The following SCFD1 variants were observed in gnomAD, a reference collection of about 807,000 sequenced individuals.
SCFD1 encodes the protein sec1 family domain-containing protein 1.
Under a neutral mutation model 103.2 loss-of-function variants are expected in SCFD1, and 37 were observed. That is an observed-to-expected ratio of 0.36 (90% CI 0.28 to 0.47). The LOEUF is 0.47. Among genes scored for constraint, SCFD1 ranks in the 20% least tolerant of loss-of-function variants. SCFD1 has a pLI of 1.00. For missense variants in SCFD1, 639 were observed against 761.2 expected (o/e 0.84, Z 1.89); for synonymous variants, 264 against 245.0 (o/e 1.08, Z -0.73).
chr14:30,634,180 C>T, intron 4 of SCFD1, 143 bp downstream of exon 4: 2 of 574,252 alleles, frequency 3.5e-6, no homozygotes, highest in Non-Finnish European at 6.2e-6. Flanking sequence ...TCTTTGAATT[C>T]CAAATAGCCT....
At chr14:30,713,374 A>G (rs1032783382) in intron 19 of SCFD1, among the ~76,000 whole-genome samples, 2 of 138,540 alleles carry the variant, frequency 1.4e-5, no homozygotes, top group African/African-American at 6.9e-5. Flanking sequence ...AGACAAAAAC[A>G]TACGAAAGAG....
chr14:30,634,773 T>G (rs1357545788), intron 4 of SCFD1: 2 of 455,420 alleles, frequency 4.4e-6, no homozygotes, highest in Non-Finnish European at 8.8e-6. Flanking sequence ...TTTCCTTGTC[T>G]TGCTTGTCGC....
At chr14:30,633,485 G>C (rs1318996169) in intron 3 of SCFD1, among the ~76,000 whole-genome samples, 1 of 151,974 alleles carries the variant, frequency 6.6e-6, no homozygotes, top group East Asian at 1.9e-4. Flanking sequence ...TTCATGTTTG[G>C]TTAAATTTTT....
At chr14:30,653,709 A>C (rs1291778869) in intron 10 of SCFD1, 121 bp downstream of exon 10, 9 of 623,660 alleles carry the variant, frequency 1.4e-5, no homozygotes, top group Non-Finnish European at 2.5e-5. Context: ...GAGACCTATG[A>C]ACAAAACAAG....
chr14:30,666,888 T>C (rs960961003), intron 10 of SCFD1, among the ~76,000 whole-genome samples: 9 of 151,884 alleles, frequency 5.9e-5, no homozygotes, highest in African/African-American at 1.9e-4. Flanking sequence ...AATAACAGGC[T>C]CTGAAATTGA....
intron 19 of SCFD1, 44 bp from the exon 20 acceptor site, chr14:30,715,880 C>T (rs1892246772): frequency 9.2e-7 from 1 of 1,086,684 alleles, no homozygotes; most frequent in Middle Eastern, 2.0e-4. Flanking sequence ...TAGAGAAGAA[C>T]TTTGGTTTAA....
chr14:30,661,537 A>G (rs1887449676), intron 10 of SCFD1, among the ~76,000 whole-genome samples: 1 of 152,128 alleles, frequency 6.6e-6, no homozygotes, highest in Non-Finnish European at 1.5e-5. Flanking sequence ...TCTAGAGTAA[A>G]GCTTCTGATC....
At position 30,675,061 on chromosome 14, in the gene SCFD1, T is replaced by C. The variant is rs749873071; in HGVS notation, c.1238T>C (p.Ile413Thr). ...GTTGCCACTGCTGTTTTAGAACATA[T>C]AAAGGTAAATTTAACTTTTTCCCCC... ...TNVATAVLEH[I>T]KARKLDVYFE... Residue 413 changes from isoleucine (I) to threonine (T), a missense_variant, in exon 14 of 25, where the codon ATA (isoleucine) becomes ACA (threonine). By Grantham distance (89) the Ile-to-Thr change is moderately conservative. Transcript: ENST00000458591. 1.3e-6 allele frequency: 2 copies of C among 1,559,542 alleles called. No individual in the cohort carries two copies. The highest frequency in any genetic ancestry group is 2.3e-5 in the East Asian group (1 of 43,344).
intron 1 of SCFD1, among the ~76,000 whole-genome samples, chr14:30,627,527 A>G (rs1883601352): frequency 6.6e-6 from 1 of 152,094 alleles, no homozygotes; most frequent in Admixed American, 6.5e-5. Context: ...CGGGTGGATC[A>G]CCTGAGGTCG....
chr14:30,642,233 G>A (rs1885353034), intron 6 of SCFD1, among the ~76,000 whole-genome samples: 1 of 152,098 alleles, frequency 6.6e-6, no homozygotes, highest in South Asian at 2.1e-4. Context: ...GATTACAGGT[G>A]TGTGCCACCA....
At chr14:30,723,625 G>A (rs981230760) in intron 23 of SCFD1, among the ~76,000 whole-genome samples, 5 of 152,012 alleles carry the variant, frequency 3.3e-5, no homozygotes, top group Admixed American at 6.6e-5. Context: ...TTTAGCTCCC[G>A]CTTATAAATG....
chr14:30,705,187 TAG>T (rs1294234079), intron 17 of SCFD1, among the ~76,000 whole-genome samples: 1 of 152,150 alleles, frequency 6.6e-6, no homozygotes, highest in Non-Finnish European at 1.5e-5. Context: ...CATTGAGTGG[TAG>T]AGTTAGAAGT....
At chr14:30,632,038 A>G (rs1178423409) in intron 3 of SCFD1, among the ~76,000 whole-genome samples, 1 of 124,526 alleles carries the variant, frequency 8.0e-6, no homozygotes, top group African/African-American at 3.1e-5. Flanking sequence ...GCAGAGCAAG[A>G]TTCTGTTGAA....
intron 15 of SCFD1, among the ~76,000 whole-genome samples, chr14:30,697,126 G>A (rs551634836): frequency 9.2e-5 from 14 of 152,156 alleles, no homozygotes; most frequent in Non-Finnish European, 1.6e-4. Context: ...GGGCCTGGGA[G>A]CAGCAATGCC....
At chr14:30,705,478 T>C (rs1194222387) in intron 17 of SCFD1, among the ~76,000 whole-genome samples, 1 of 152,150 alleles carries the variant, frequency 6.6e-6, no homozygotes, top group Non-Finnish European at 1.5e-5. Context: ...TGTGCTTCTT[T>C]AAGAATTTCA....
chr14:30,700,713 G>A (rs1891024093), intron 16 of SCFD1, among the ~76,000 whole-genome samples: 1 of 152,050 alleles, frequency 6.6e-6, no homozygotes, highest in South Asian at 2.1e-4. Flanking sequence ...AATTTGTTAA[G>A]GCTGCTTCTA....
chr14:30,662,830 T>G (rs1000680431), intron 10 of SCFD1, among the ~76,000 whole-genome samples: 2 of 152,216 alleles, frequency 1.3e-5, no homozygotes, highest in Non-Finnish European at 2.9e-5. Flanking sequence ...ACAAGACTGC[T>G]GAAGGCTTCT....
At chr14:30,647,586 A>G (rs1419922366) in intron 7 of SCFD1, among the ~76,000 whole-genome samples, 2 of 152,026 alleles carry the variant, frequency 1.3e-5, no homozygotes, top group Non-Finnish European at 2.9e-5. Flanking sequence ...CATTGCCCTC[A>G]TATGGTTTGT....
intron 16 of SCFD1, 37 bp from the exon 17 acceptor site, chr14:30,702,259 T>G (rs778671450): frequency 1.5e-6 from 2 of 1,339,824 alleles, no homozygotes; most frequent in Non-Finnish European, 1.0e-6. Flanking sequence ...TTCTTGAAAG[T>G]AAAATTTTTT....
Sources: allele counts gnomAD v4.1 joint callset (sites outside exome capture counted in the v4.1 genomes callset), GRCh38; gene constraint gnomAD v4.1.1; transcripts MANE v1.5; gene names NCBI Gene and HGNC (gene_info 2026-07-23, HGNC 2026-07-21).